FOXP2: variants seen among roughly 807,000 people sequenced by gnomAD.
FOXP2 encodes forkhead box protein P2.
Under a neutral mutation model 115.8 loss-of-function variants are expected in FOXP2, and 12 were observed. That is an observed-to-expected ratio of 0.10 (90% CI 0.07 to 0.17). The LOEUF (loss-of-function observed/expected upper bound fraction) is 0.17. FOXP2 is among the 10% of genes least tolerant of loss of function. The probability of loss-of-function intolerance (pLI) is 1.00; values close to 1 mark genes in which losing one functional copy is unlikely to be tolerated. For missense variants in FOXP2, 629 were observed against 843.5 expected, an observed-to-expected ratio of 0.75 and a Z score of 3.15; for synonymous variants, 328 against 297.7, an observed-to-expected ratio of 1.10 and a Z score of -1.05.
At chr7:114,399,948 C>CA (rs1464704878) in intron 2 of FOXP2, among the ~76,000 whole-genome samples, 1 of 151,320 alleles carries the variant, frequency 6.6e-6, no homozygotes, top group African/African-American at 2.4e-5. Context: ...CCTCCGCCCC[C>CA]CGAGTTCAAG....
intron 2 of FOXP2, among the ~76,000 whole-genome samples, chr7:114,359,341 G>T (rs1027216969): frequency 1.3e-5 from 2 of 152,240 alleles, no homozygotes; most frequent in African/African-American, 4.8e-5. Context: ...TGCTGCACAG[G>T]CAGAGGGCTC....
In FOXP2 at chr7:114,329,535, A is replaced by G. The variant is rs73206283; in HGVS notation, c.-11+41426A>G. Among the ~76,000 whole-genome samples, 87 of 46,488 alleles carry G rather than the reference A, an allele frequency of 1.9e-3. 1 individual carries two copies. Among genetic ancestry groups the G allele is most frequent in the African/African-American group, 2.4e-3 (23 of 9,672 alleles). 30.5% of individuals were successfully genotyped at this position (46,488 alleles called of 152,430 possible). On this transcript the variant is annotated intron_variant, in intron 2 of 17. Transcript: ENST00000634411. ...ACTCCATCTCGGAAAAAAAAAAAAG[A>G]AAAAAAAAAGGAAATTGTGTTATCT...
intron 2 of FOXP2, among the ~76,000 whole-genome samples, chr7:114,435,844 A>G (rs1371438138): frequency 6.6e-6 from 1 of 152,092 alleles, no homozygotes; most frequent in Non-Finnish European, 1.5e-5. Flanking sequence ...CGGCTGTCAG[A>G]AGTTTTGACT....
At chr7:114,686,266 A>G (rs997594303) in intron 16 of FOXP2, among the ~76,000 whole-genome samples, 16 of 151,114 alleles carry the variant, frequency 1.1e-4, no homozygotes, top group Admixed American at 6.6e-5. Flanking sequence ...TCCTGCTCCC[A>G]GGTTCAGGTG....
chr7:114,235,112 T>C (rs1451856521), intron 1 of FOXP2, among the ~76,000 whole-genome samples: 2 of 152,068 alleles, frequency 1.3e-5, no homozygotes, highest in Non-Finnish European at 2.9e-5. Flanking sequence ...TGGTCTCATA[T>C]AGTTTTCAAT....
At chr7:114,644,852 A>T (rs1056621601) in intron 8 of FOXP2, 63 bp downstream of exon 8, 1 of 1,217,710 alleles carries the variant, frequency 8.2e-7, no homozygotes, top group African/African-American at 1.5e-5. Flanking sequence ...TTTTAGGCAC[A>T]TTGTAAATAA....
At chr7:114,271,268 CT>C (rs1796029281) in intron 1 of FOXP2, among the ~76,000 whole-genome samples, 1 of 150,808 alleles carries the variant, frequency 6.6e-6, no homozygotes, top group South Asian at 2.1e-4. Flanking sequence ...TATACTTTTT[CT>C]TTCTTTTATT....
chr7:114,216,759 A>C (rs1013331421), intron 1 of FOXP2, among the ~76,000 whole-genome samples: 1 of 152,068 alleles, frequency 6.6e-6, no homozygotes, highest in Admixed American at 6.6e-5. Context: ...TTACGAGATA[A>C]AATACTGAGT....
intron 1 of FOXP2, among the ~76,000 whole-genome samples, chr7:114,423,639 C>A (rs980616591): frequency 1.3e-5 from 2 of 151,472 alleles, no homozygotes; most frequent in African/African-American, 4.8e-5. Flanking sequence ...AATAATTTAG[C>A]TTGGTATGTT....
chr7:114,546,794 A>G (rs565170078), intron 3 of FOXP2, among the ~76,000 whole-genome samples: 34 of 152,338 alleles, frequency 2.2e-4, no homozygotes, highest in African/African-American at 7.0e-4. Flanking sequence ...TTATCTGATT[A>G]CTTCTCTAGC....
intron 1 of FOXP2, among the ~76,000 whole-genome samples, chr7:114,187,641 C>G (rs1016788419): frequency 2.6e-5 from 4 of 152,172 alleles, no homozygotes; most frequent in Non-Finnish European, 5.9e-5. Context: ...ACTGTTCCAG[C>G]CTGTAACTAG....
intron 2 of FOXP2, among the ~76,000 whole-genome samples, chr7:114,337,411 C>T (rs374445005): frequency 4.0e-5 from 6 of 150,902 alleles, no homozygotes; most frequent in African/African-American, 1.5e-4. Flanking sequence ...TTACTATGAG[C>T]GATTCAACTA....
chr7:114,186,478 C>G (rs1793610205), intron 1 of FOXP2, among the ~76,000 whole-genome samples: 1 of 152,146 alleles, frequency 6.6e-6, no homozygotes, highest in Non-Finnish European at 1.5e-5. Flanking sequence ...TCTTCTTTGT[C>G]TCTTTGTCCC....
intron 2 of FOXP2, among the ~76,000 whole-genome samples, chr7:114,429,960 A>G (rs951778945): frequency 6.6e-6 from 1 of 151,658 alleles, no homozygotes; most frequent in Admixed American, 6.6e-5. Flanking sequence ...TGATAATTTG[A>G]TCAAGGAAGT....
At chr7:114,403,923 A>T (rs184293670) in intron 2 of FOXP2, among the ~76,000 whole-genome samples, 11 of 152,282 alleles carry the variant, frequency 7.2e-5, no homozygotes, top group African/African-American at 1.2e-4. Flanking sequence ...TTGCCAGTAT[A>T]GTTTATTATT....
At chr7:114,127,222 CAA>C (rs1468914000) in intron 1 of FOXP2, among the ~76,000 whole-genome samples, 1 of 152,280 alleles carries the variant, frequency 6.6e-6, no homozygotes, top group Middle Eastern at 3.4e-3. Context: ...TCAAAGTCAA[CAA>C]GAGAGTCAAT....
chr7:114,495,483 C>CTTTTTTTT lies in FOXP2; in HGVS notation c.169-39111_169-39104dup, dbSNP rs35933398. Reference sequence around the variant, plus strand: ...TTCTTTGTTTTTTCTTTCTCTCTCTCTTTTTTTTTTTTTTTTTTTTTTTTT... The same window carrying CTTTTTTTT: ...TTCTTTGTTTTTTCTTTCTCTCTCTCTTTTTTTTTTTTTTTTTTTTTTTTTTTTTTTTT... On this transcript the variant is annotated intron_variant, in intron 2 of 16. Transcript: ENST00000350908. 2.3e-3 allele frequency among the ~76,000 whole-genome samples: 144 copies of CTTTTTTTT among 61,476 alleles called. 4 individuals are homozygous for CTTTTTTTT. Among genetic ancestry groups the CTTTTTTTT allele is most frequent in the East Asian group, 8.3e-3 (13 of 1,566 alleles). 40.3% of individuals were successfully genotyped at this position (61,476 alleles called of 152,430 possible).
chr7:114,517,756 G>T (rs1027920556), intron 2 of FOXP2, among the ~76,000 whole-genome samples: 1 of 152,112 alleles, frequency 6.6e-6, no homozygotes, highest in African/African-American at 2.4e-5. Flanking sequence ...AAAGCAGACA[G>T]TTGTGATGCC....
intron 2 of FOXP2, among the ~76,000 whole-genome samples, chr7:114,381,173 G>C (rs1342009916): frequency 2.6e-5 from 4 of 152,154 alleles, no homozygotes; most frequent in African/African-American, 9.7e-5. Context: ...GTTGCTTTAG[G>C]GTTTTGGGAT....
Sources: gnomAD v4.1 joint callset for allele counts (sites outside exome capture counted in the v4.1 genomes callset) on GRCh38, gnomAD v4.1.1 for gene constraint, MANE v1.5 for transcripts, NCBI Gene and HGNC (gene_info 2026-07-23, HGNC 2026-07-21) for gene names.